NOS1AP: variants seen among roughly 807,000 people sequenced by gnomAD.
NOS1AP encodes the protein carboxyl-terminal PDZ ligand of neuronal nitric oxide synthase protein.
Under a neutral mutation model 56.2 loss-of-function variants are expected in NOS1AP, and 21 were observed. That is an observed-to-expected ratio of 0.37 (90% CI 0.26 to 0.54). The LOEUF (loss-of-function observed/expected upper bound fraction) is 0.54, where lower values mean the gene tolerates loss of function less well. NOS1AP is among the 20% of genes least tolerant of loss of function. The pLI is 0.84. For synonymous variants in NOS1AP, 270 were observed against 274.6 expected (o/e 0.98, Z 0.17); for missense variants, 522 against 657.8 (o/e 0.79, Z 2.26).
intron 2 of NOS1AP, among the ~76,000 whole-genome samples, chr1:162,234,347 T>A (rs945007044): frequency 1.3e-5 from 2 of 152,200 alleles, no homozygotes; most frequent in African/African-American, 2.4e-5. Flanking sequence ...AGGACCACCA[T>A]GCTAAGGAGT....
At chr1:162,133,939 C>G (rs1475131328) in intron 1 of NOS1AP, among the ~76,000 whole-genome samples, 5 of 152,276 alleles carry the variant, frequency 3.3e-5, no homozygotes, top group Admixed American at 1.3e-4. Context: ...AGAATTAGAT[C>G]CAGTTCCTGC....
chr1:162,286,634 G>C (rs1655098495), intron 2 of NOS1AP, among the ~76,000 whole-genome samples: 1 of 152,232 alleles, frequency 6.6e-6, no homozygotes, highest in Admixed American at 6.5e-5. Context: ...GTATGGGTCT[G>C]TGGTTGGAGC....
chr1:162,148,686 G>T (rs144425079), intron 1 of NOS1AP, among the ~76,000 whole-genome samples: 39 of 152,258 alleles, frequency 2.6e-4, no homozygotes, highest in African/African-American at 8.9e-4. Context: ...ATGGAAGCAA[G>T]TGTGGGAGGT....
chr1:162,242,950 A>T (rs537415598), intron 2 of NOS1AP, among the ~76,000 whole-genome samples: 1 of 151,746 alleles, frequency 6.6e-6, no homozygotes, highest in Non-Finnish European at 1.5e-5. Flanking sequence ...TTTATTTTGC[A>T]TGTTGCTTTC....
At chr1:162,301,160 G>A (rs1039225908) in intron 4 of NOS1AP, among the ~76,000 whole-genome samples, 3 of 152,154 alleles carry the variant, frequency 2.0e-5, no homozygotes, top group Non-Finnish European at 4.4e-5. Flanking sequence ...TCACAAATGT[G>A]TCTACAGGTC....
intron 1 of NOS1AP, among the ~76,000 whole-genome samples, chr1:162,120,091 GTATATGATA>G (rs1648145389): frequency 4.5e-4 from 1 of 2,236 alleles, no homozygotes; most frequent in Non-Finnish European, 2.5e-3. Flanking sequence ...ATATACATAT[GTATATGATA>G]TATACACATG....
intron 2 of NOS1AP, among the ~76,000 whole-genome samples, chr1:162,184,387 G>A (rs570965211): frequency 6.6e-6 from 1 of 152,194 alleles, no homozygotes; most frequent in Admixed American, 6.5e-5. Flanking sequence ...TATGAGGTGA[G>A]CACATGCTGT....
chr1:162,142,199 G>A (rs1649263639), intron 1 of NOS1AP, among the ~76,000 whole-genome samples: 1 of 152,212 alleles, frequency 6.6e-6, no homozygotes, highest in East Asian at 1.9e-4. Context: ...AGATCTAAAT[G>A]CCAATCACTT....
intron 1 of NOS1AP, among the ~76,000 whole-genome samples, chr1:162,078,473 C>CGATTT (rs1691819563): frequency 6.6e-6 from 1 of 152,100 alleles, no homozygotes; most frequent in Non-Finnish European, 1.5e-5. Context: ...AGTTAGGTGC[C>CGATTT]AAATCCTCTT....
chr1:162,313,660 G>A (rs533214691), intron 4 of NOS1AP, among the ~76,000 whole-genome samples: 12 of 152,298 alleles, frequency 7.9e-5, no homozygotes, highest in African/African-American at 2.9e-4. Flanking sequence ...AGTGTAATGG[G>A]GAGAGTATCT....
chr1:162,352,753 C>G (rs1478265670), intron 6 of NOS1AP, among the ~76,000 whole-genome samples: 2 of 151,876 alleles, frequency 1.3e-5, no homozygotes, highest in Non-Finnish European at 2.9e-5. Context: ...GGACTGCATT[C>G]TCATGATCTA....
intron 5 of NOS1AP, among the ~76,000 whole-genome samples, chr1:162,339,457 A>C (rs1242161255): frequency 6.6e-6 from 1 of 151,992 alleles, no homozygotes; most frequent in Non-Finnish European, 1.5e-5. Context: ...GGAACTCAAA[A>C]AGGCTGCTTT....
rs1419039197 is a variant in NOS1AP, at chr1:162,287,422, A to C, written c.256A>C (p.Lys86Gln). The C allele has an allele frequency of 6.2e-7, 1 of 1,611,006 alleles. No homozygotes were observed. The highest frequency in any genetic ancestry group is 1.3e-5 in the African/African-American group (1 of 74,852). ...VSVDGVKVIL[K>Q]KKKKLLLLQK... ...AGTGGATGGAGTGAAAGTGATTCTG[A>C]AGAAGAAGAAAAAGGTAAGTGGCTC... Residue 86 changes from lysine to glutamine, a missense_variant, in exon 3 of 10, where the codon AAG (lysine) becomes CAG (glutamine). Lys to Gln is a moderately conservative substitution (Grantham distance 53). Around this residue, in one of 4 missense-constraint regions of NOS1AP, gnomAD observed 132 missense variants for 218.1 expected, o/e 0.61. Transcript: ENST00000361897.
At position 162,300,657 on chromosome 1, in the gene NOS1AP, T is replaced by G. The variant is rs1028428519; in HGVS notation, c.295T>G (p.Trp99Gly). The change falls in exon 4 of 10, where the codon TGG (tryptophan) becomes GGG (glycine). Residue 99 changes from tryptophan to glycine, a missense_variant. By Grantham distance (184) the Trp-to-Gly change is radical (BLOSUM62 -2). Around this residue, in one of 4 missense-constraint regions of NOS1AP, gnomAD observed 132 missense variants for 218.1 expected, o/e 0.61. Coordinates refer to ENST00000361897, the MANE Select transcript of NOS1AP (RefSeq NM_014697.3). ...GCTTCTTTTATTGCAGAAAAAGGAA[T>G]GGACGTGGGATGAGAGCAAGATGCT... The part of the protein sequence containing the change: ...KKLLLLQKKE[W>G]TWDESKMLVM... 1 of 1,614,102 alleles carries G rather than the reference T, an allele frequency of 6.2e-7. No homozygotes were observed. Among genetic ancestry groups the G allele is most frequent in the South Asian group, 1.1e-5 (1 of 91,080 alleles).
At chr1:162,276,659 C>G (rs1466157451) in intron 2 of NOS1AP, among the ~76,000 whole-genome samples, 1 of 152,124 alleles carries the variant, frequency 6.6e-6, no homozygotes, top group Non-Finnish European at 1.5e-5. Flanking sequence ...GGCTGGGAAC[C>G]ATGGTTCCAC....
At chr1:162,199,834 G>A (rs993529590) in intron 2 of NOS1AP, among the ~76,000 whole-genome samples, 1 of 152,148 alleles carries the variant, frequency 6.6e-6, no homozygotes, top group Non-Finnish European at 1.5e-5. Flanking sequence ...TTAATTGTTT[G>A]ATTTGCCGAC....
At chr1:162,116,680 A>G (rs1396963200) in intron 1 of NOS1AP, among the ~76,000 whole-genome samples, 2 of 152,228 alleles carry the variant, frequency 1.3e-5, no homozygotes, top group African/African-American at 4.8e-5. Flanking sequence ...ACATAGGGAA[A>G]GGACAACTGG....
At chr1:162,361,676 A>C (rs756871758) in intron 8 of NOS1AP, among the ~76,000 whole-genome samples, 54 of 152,348 alleles carry the variant, frequency 3.5e-4, no homozygotes, top group Middle Eastern at 3.4e-3. Flanking sequence ...GGGTTTACAG[A>C]GGTAAAACTC....
chr1:162,349,085 G>A (rs1197155613), intron 6 of NOS1AP, among the ~76,000 whole-genome samples: 2 of 152,118 alleles, frequency 1.3e-5, no homozygotes, highest in African/African-American at 4.8e-5. Flanking sequence ...TACTGGGGAG[G>A]CTGAGGTAGG....
Sources: gnomAD v4.1 joint callset for allele counts (sites outside exome capture counted in the v4.1 genomes callset) on GRCh38, gnomAD v4.1.1 for gene constraint, gnomAD v4.1.1 regional missense constraint, MANE v1.5 for transcripts, NCBI Gene and HGNC (gene_info 2026-07-23, HGNC 2026-07-21) for gene names.